The following EYS variants were observed in gnomAD, a reference collection of about 807,000 sequenced individuals.
The protein encoded by EYS is EGF-like photoreceptor maintenance factor, also known as protein eyes shut homolog.
Under a neutral mutation model 282.1 loss-of-function variants are expected in EYS, and 250 were observed. The observed-to-expected ratio is 0.89, with a 90% CI of 0.80 to 0.98. EYS has a LOEUF of 0.98. Ranked by LOEUF, EYS falls within the 50% of genes least tolerant of loss-of-function variation. The pLI is 0.00. For missense variants in EYS, 4,016 were observed against 3,709.0 expected (o/e 1.08, Z -2.15); for synonymous variants, 1,355 against 1,282.9 (o/e 1.06, Z -1.20).
chr6:65,429,862 G>A (rs1052390720), intron 5 of EYS, among the ~76,000 whole-genome samples: 1 of 151,984 alleles, frequency 6.6e-6, no homozygotes, highest in Non-Finnish European at 1.5e-5. Flanking sequence ...TTATTGTAAT[G>A]ACAATAATAG....
At chr6:65,374,546 A>G (rs1336985433) in intron 8 of EYS, among the ~76,000 whole-genome samples, 1 of 150,980 alleles carries the variant, frequency 6.6e-6, no homozygotes, top group African/African-American at 2.4e-5. Flanking sequence ...AACTCCAGTG[A>G]AAGAGAACCA....
At chr6:64,561,819 A>G (rs577914544) in intron 26 of EYS, among the ~76,000 whole-genome samples, 1 of 151,452 alleles carries the variant, frequency 6.6e-6, no homozygotes, top group African/African-American at 2.4e-5. Context: ...AAACTATTAA[A>G]TTGGCTATAG....
intron 26 of EYS, among the ~76,000 whole-genome samples, chr6:64,446,656 T>C (rs904155465): frequency 6.6e-6 from 1 of 152,024 alleles, no homozygotes; most frequent in East Asian, 1.9e-4. Context: ...TATACAAGAT[T>C]AAATGTGAAA....
In EYS at chr6:64,828,272, A is replaced by G. The variant is rs144982535; in HGVS notation, c.2993-5450T>C. Among the ~76,000 whole-genome samples, 932 of 152,034 alleles carry G rather than the reference A, an allele frequency of 6.1e-3. 4 individuals are homozygous for G. Among genetic ancestry groups the G allele is most frequent in the Non-Finnish European group, 8.7e-3 (592 of 67,928 alleles). On this transcript the variant is annotated intron_variant, in intron 19 of 42. Transcript: ENST00000503581. ...TTCTAAGACATATAGAATAATATCA[A>G]AGTTTCTAACTGACTTGCAACTGGA...
At chr6:65,676,774 T>G (rs1029104318) in intron 1 of EYS, among the ~76,000 whole-genome samples, 12 of 151,816 alleles carry the variant, frequency 7.9e-5, no homozygotes, top group Non-Finnish European at 2.9e-5. Context: ...ATACCAATAT[T>G]CCAGATGAAT....
intron 41 of EYS, among the ~76,000 whole-genome samples, chr6:63,739,091 C>T (rs1014335806): frequency 2.6e-5 from 4 of 151,972 alleles, no homozygotes; most frequent in African/African-American, 4.8e-5. Flanking sequence ...TCCTTTCTAT[C>T]GGTATGGTAT....
At position 65,353,493 on chromosome 6, in the gene EYS, G is replaced by A. The variant is rs1433894508; in HGVS notation, c.1424C>T (p.Ala475Val). ...FHGICQDKGP[A>V]QFEYVWQLGF... Reference sequence around the variant, plus strand: ...CAATTGCCACACATATTCAAATTGAGCAGGACCTTTATCTTGGCAAATACC... The same window carrying A: ...CAATTGCCACACATATTCAAATTGAACAGGACCTTTATCTTGGCAAATACC... The change falls in exon 9 of 43, where the codon GCT becomes GTT. Residue 475 changes from alanine to valine, a missense_variant. Coordinates refer to ENST00000503581, the MANE Select transcript of EYS (RefSeq NM_001142800.2). 6.2e-7 allele frequency: 1 copy of A among 1,613,166 alleles called. No individual in the cohort carries two copies. Among genetic ancestry groups the A allele is most frequent in the Admixed American group, 1.7e-5 (1 of 59,964 alleles).
chr6:65,463,190 T>C (rs936780987), intron 5 of EYS, among the ~76,000 whole-genome samples: 4 of 152,114 alleles, frequency 2.6e-5, no homozygotes, highest in Non-Finnish European at 4.4e-5. Context: ...TGACTCTTAC[T>C]TGCTTATCTG....
rs189940294 is a variant in EYS, at chr6:65,260,086, T to C, written c.2023+35777A>G. Among the ~76,000 whole-genome samples the C allele has an allele frequency of 2.9e-3, 444 of 152,154 alleles. 1 individual carries two copies. Among genetic ancestry groups the C allele is most frequent in the Non-Finnish European group, 5.1e-3 (348 of 67,978 alleles). ...TGAGGAGGCCTCAGGAAACTTAAAATCTTGGTGGAAGGCGAAGGGGAAGCA... is the reference window on the plus strand; with the variant it reads ...TGAGGAGGCCTCAGGAAACTTAAAACCTTGGTGGAAGGCGAAGGGGAAGCA... On this transcript the variant is annotated intron_variant, in intron 12 of 42. Coordinates refer to ENST00000503581, the MANE Select transcript of EYS (RefSeq NM_001142800.2).
intron 36 of EYS, among the ~76,000 whole-genome samples, chr6:63,837,048 T>C (rs1771827263): frequency 6.6e-6 from 1 of 152,132 alleles, no homozygotes; most frequent in Non-Finnish European, 1.5e-5. Flanking sequence ...TCTGATACTA[T>C]GATGTTCCAT....
At position 64,025,999 on chromosome 6, in the gene EYS, T is replaced by A. The variant is rs192376244; in HGVS notation, c.6726-26816A>T. ...TCTAGGGGACAGGCAAGGGTGCAGGTTTTTTAGAATGCCTCAGTAGGGACT... is the reference window on the plus strand; with the variant it reads ...TCTAGGGGACAGGCAAGGGTGCAGGATTTTTAGAATGCCTCAGTAGGGACT... On this transcript the variant is annotated intron_variant, in intron 33 of 42. Transcript: ENST00000503581. 2.4e-3 allele frequency among the ~76,000 whole-genome samples: 371 copies of A among 152,278 alleles called. 2 individuals carry two copies. Among genetic ancestry groups the A allele is most frequent in the African/African-American group, 8.5e-3 (355 of 41,560 alleles).
intron 19 of EYS, among the ~76,000 whole-genome samples, chr6:64,868,795 CCAT>C (rs1371475152): frequency 6.6e-6 from 1 of 151,378 alleles, no homozygotes; most frequent in Non-Finnish European, 1.5e-5. Context: ...TACAAACAGG[CCAT>C]CAGGTTAAAA....
chr6:63,982,027 A>G (rs115330133), intron 35 of EYS, among the ~76,000 whole-genome samples: 1 of 151,892 alleles, frequency 6.6e-6, no homozygotes, highest in African/African-American at 2.4e-5. Context: ...AATACATATT[A>G]AATAACTGAG....
At chr6:64,887,598 G>T (rs1767138834) in intron 18 of EYS, among the ~76,000 whole-genome samples, 1 of 151,976 alleles carries the variant, frequency 6.6e-6, no homozygotes, top group Non-Finnish European at 1.5e-5. Context: ...TTTCTATTTA[G>T]ATTTTTTAGG....
intron 12 of EYS, among the ~76,000 whole-genome samples, chr6:65,068,167 C>G (rs184406391): frequency 6.5e-4 from 99 of 152,202 alleles, no homozygotes; most frequent in South Asian, 1.2e-3. Context: ...TTTCTGTCAT[C>G]TTGGCTAATG....
At chr6:64,196,668 C>G (rs1012824097) in intron 31 of EYS, among the ~76,000 whole-genome samples, 1 of 149,172 alleles carries the variant, frequency 6.7e-6, no homozygotes, top group Non-Finnish European at 1.5e-5. Flanking sequence ...ACCGCATGTT[C>G]TCACTCATAG....
intron 13 of EYS, among the ~76,000 whole-genome samples, chr6:65,054,149 A>C (rs1185380843): frequency 6.6e-6 from 1 of 151,978 alleles, no homozygotes; most frequent in Non-Finnish European, 1.5e-5. Context: ...TATTCAAGGA[A>C]AGTCTTTCCT....
At chr6:64,229,724 C>T (rs984901306) in intron 31 of EYS, among the ~76,000 whole-genome samples, 2 of 152,080 alleles carry the variant, frequency 1.3e-5, no homozygotes, top group African/African-American at 2.4e-5. Flanking sequence ...CACACACATC[C>T]ACATCCACAC....
chr6:65,691,699 G>A (rs893625218), intron 1 of EYS, among the ~76,000 whole-genome samples: 8 of 150,166 alleles, frequency 5.3e-5, no homozygotes, highest in African/African-American at 1.7e-4. Flanking sequence ...TTTCTTCTAG[G>A]GCTTTAGGGT....
Sources: gnomAD v4.1 joint callset for allele counts (sites outside exome capture counted in the v4.1 genomes callset) on GRCh38, gnomAD v4.1.1 for gene constraint, MANE v1.5 for transcripts, NCBI Gene and HGNC (gene_info 2026-07-23, HGNC 2026-07-21) for gene names.